ODAD2: variants seen among roughly 807,000 people sequenced by gnomAD.
ODAD2 encodes the protein outer dynein arm-docking complex subunit 2.
ODAD2 carries 89 observed loss-of-function variants against 106.8 expected under a neutral mutation model. The observed-to-expected ratio is 0.83, with a 90% CI of 0.70 to 0.99. The LOEUF (loss-of-function observed/expected upper bound fraction) is 0.99. Ranked by LOEUF, ODAD2 falls within the 50% of genes least tolerant of loss-of-function variation. The pLI is 0.00. For synonymous variants in ODAD2, 404 were observed against 436.2 expected, an observed-to-expected ratio of 0.93 and a Z score of 0.92; for missense variants, 1,168 against 1,238.5, an observed-to-expected ratio of 0.94 and a Z score of 0.85.
At chr10:27,865,082 A>G (rs1224102696) in intron 17 of ODAD2, among the ~76,000 whole-genome samples, 1 of 152,102 alleles carries the variant, frequency 6.6e-6, no homozygotes, top group Non-Finnish European at 1.5e-5. Flanking sequence ...TGCCCTTAGG[A>G]TAAAATTCAA....
At chr10:27,869,938 G>T (rs1052856342) in intron 17 of ODAD2, among the ~76,000 whole-genome samples, 9 of 152,174 alleles carry the variant, frequency 5.9e-5, no homozygotes, top group Non-Finnish European at 8.8e-5. Context: ...AGCTACTCAA[G>T]GAGAGCAAAT....
intron 10 of ODAD2, among the ~76,000 whole-genome samples, chr10:27,952,335 C>A (rs1415032726): frequency 6.6e-6 from 1 of 151,840 alleles, no homozygotes; most frequent in African/African-American, 2.4e-5. Context: ...AAAGACTACA[C>A]ATCGATGAGA....
rs1292613263 is a variant in ODAD2 at position 27,939,909 on chromosome 10, C to T, written c.2085G>A (p.Met695Ile). 8 of 1,602,846 alleles carry T rather than the reference C, an allele frequency of 5.0e-6. No individual in the cohort carries two copies. The highest frequency in any genetic ancestry group is 2.7e-5 in the African/African-American group (2 of 74,278). The change falls in exon 14 of 20, where the codon ATG becomes ATA. Residue 695 changes from methionine to isoleucine, a missense_variant. Coordinates refer to ENST00000305242, the MANE Select transcript of ODAD2 (RefSeq NM_018076.5). ...GAGTTCACTGCACCTGGTAAATGGC[C>T]ATGGCGCAGTGCTCCTGCAGCTGCT... Reference protein sequence around the residue: ...ENEQLQEHCAMAIYQCAEDKE... With the variant: ...ENEQLQEHCAIAIYQCAEDKE...
intron 10 of ODAD2, among the ~76,000 whole-genome samples, chr10:27,955,257 G>A (rs1847642360): frequency 6.6e-6 from 1 of 152,040 alleles, no homozygotes; most frequent in African/African-American, 2.4e-5. Context: ...AGTAAAGACA[G>A]CAGAAGAGCA....
chr10:27,878,086 C>T (rs1028705306), intron 17 of ODAD2, among the ~76,000 whole-genome samples: 2 of 151,808 alleles, frequency 1.3e-5, no homozygotes, highest in South Asian at 4.2e-4. Context: ...AGAACCTTCA[C>T]TACTTAGGAG....
At chr10:27,946,049 A>G (rs1413203871) in intron 10 of ODAD2, among the ~76,000 whole-genome samples, 1 of 149,540 alleles carries the variant, frequency 6.7e-6, no homozygotes, top group Non-Finnish European at 1.5e-5. Flanking sequence ...GATTATATAT[A>G]TAATAGATAA....
At chr10:27,893,109 A>G (rs1452251322) in intron 17 of ODAD2, among the ~76,000 whole-genome samples, 1 of 152,130 alleles carries the variant, frequency 6.6e-6, no homozygotes, top group African/African-American at 2.4e-5. Context: ...CAGTGAGCCA[A>G]GATCACACTA....
intron 19 of ODAD2, among the ~76,000 whole-genome samples, chr10:27,856,754 G>T (rs1237336426): frequency 6.6e-6 from 1 of 152,078 alleles, no homozygotes; most frequent in Non-Finnish European, 1.5e-5. Context: ...ATCACCTGAG[G>T]TCAGGAGTTC....
intron 17 of ODAD2, among the ~76,000 whole-genome samples, chr10:27,896,036 A>G (rs1266865478): frequency 6.6e-6 from 1 of 152,212 alleles, no homozygotes; most frequent in East Asian, 1.9e-4. Context: ...CTCTCATTTC[A>G]AGCGTTCACT....
At chr10:27,850,299 G>A (rs1839155364) in intron 19 of ODAD2, among the ~76,000 whole-genome samples, 1 of 151,912 alleles carries the variant, frequency 6.6e-6, no homozygotes, top group South Asian at 2.1e-4. Flanking sequence ...AAAAAAATTA[G>A]ACGGCCGTGG....
At chr10:27,984,619 G>T (rs1466558930) in intron 4 of ODAD2, among the ~76,000 whole-genome samples, 1 of 152,102 alleles carries the variant, frequency 6.6e-6, no homozygotes, top group Admixed American at 6.5e-5. Flanking sequence ...TTGTGTAATA[G>T]TCTTGAGAGC....
intron 19 of ODAD2, among the ~76,000 whole-genome samples, chr10:27,841,111 G>A (rs1838274307): frequency 6.6e-6 from 1 of 152,166 alleles, no homozygotes; most frequent in Admixed American, 6.5e-5. Context: ...ATTTGCTAGT[G>A]TAATTATTAA....
intron 2 of ODAD2, among the ~76,000 whole-genome samples, chr10:27,992,583 G>C (rs1239598522): frequency 6.6e-6 from 1 of 152,154 alleles, no homozygotes; most frequent in Non-Finnish European, 1.5e-5. Flanking sequence ...CTAGCTGCTT[G>C]AGGGGCTGAG....
chr10:27,881,245 A>G (rs1809078944), intron 17 of ODAD2, among the ~76,000 whole-genome samples: 2 of 152,184 alleles, frequency 1.3e-5, no homozygotes, highest in South Asian at 4.1e-4. Flanking sequence ...CTAATGAATA[A>G]CCACTTGAAA....
rs542475542 is a variant in ODAD2, at chr10:27,839,826, A to T, written c.3021+20799T>A. Among the ~76,000 whole-genome samples, 7 of 152,342 alleles carry T rather than the reference A, an allele frequency of 4.6e-5. No individual in the cohort carries two copies. In the South Asian group the frequency reaches 1.4e-3, roughly 32 times the overall value. On this transcript the variant is annotated intron_variant, in intron 19 of 19. Coordinates refer to ENST00000305242, the MANE Select transcript of ODAD2 (RefSeq NM_018076.5). Reference sequence around the variant, plus strand: ...TTGCACAGATTTAAAATGGTGAAGGAGCGTATCTTTTCTTAAACTCAGGTT... The same window carrying T: ...TTGCACAGATTTAAAATGGTGAAGGTGCGTATCTTTTCTTAAACTCAGGTT...
intron 7 of ODAD2, 113 bp from the exon 8 acceptor site, chr10:27,971,426 G>A: frequency 2.3e-6 from 2 of 860,450 alleles, no homozygotes; most frequent in Non-Finnish European, 3.5e-6. Flanking sequence ...CATTTAACTT[G>A]TGGTCCTTAG....
chr10:27,819,114 T>G (rs1836385837), intron 19 of ODAD2, among the ~76,000 whole-genome samples: 2 of 152,176 alleles, frequency 1.3e-5, no homozygotes, highest in African/African-American at 4.8e-5. Flanking sequence ...TCCTTTGATC[T>G]TTCCCCTTCC....
chr10:27,893,319 G>A (rs1163589197), intron 17 of ODAD2, among the ~76,000 whole-genome samples: 2 of 151,980 alleles, frequency 1.3e-5, no homozygotes, highest in South Asian at 2.1e-4. Context: ...ATAAAAAAAC[G>A]GATAACATCT....
chr10:27,984,884 A>G (rs1849776244), intron 4 of ODAD2, 135 bp downstream of exon 4: 2 of 406,292 alleles, frequency 4.9e-6, no homozygotes, highest in Non-Finnish European at 8.0e-6. Context: ...TTAATTTTTT[A>G]ATTTTAATTG....
Sources: allele counts gnomAD v4.1 joint callset (sites outside exome capture counted in the v4.1 genomes callset), GRCh38; gene constraint gnomAD v4.1.1; transcripts MANE v1.5; gene names NCBI Gene and HGNC (gene_info 2026-07-23, HGNC 2026-07-21).